LOC728743: variants seen among roughly 807,000 people sequenced by gnomAD.
chr7:150,409,092 C>A, the LOC728743 span, among the ~76,000 whole-genome samples: 1 of 132,958 alleles, frequency 7.5e-6, no homozygotes, highest in South Asian at 2.4e-4. Flanking sequence ...GTCATGGGGA[C>A]AAATAAAATT....
the LOC728743 span, among the ~76,000 whole-genome samples, chr7:150,407,060 A>T: frequency 1.3e-5 from 2 of 151,946 alleles, no homozygotes; most frequent in African/African-American, 2.4e-5. Flanking sequence ...TGTCCTTGAG[A>T]TCTGGTTGGA....
chr7:150,411,831 G>C, the LOC728743 span: 2 of 152,650 alleles, frequency 1.3e-5, no homozygotes, highest in Admixed American at 1.3e-4. Flanking sequence ...GCCCATCACT[G>C]TGCTGTGCTT....
At chr7:150,409,610 CT>C in the LOC728743 span, among the ~76,000 whole-genome samples, 2 of 152,166 alleles carry the variant, frequency 1.3e-5, no homozygotes, top group Admixed American at 6.5e-5. Flanking sequence ...TTTAGCTTCA[CT>C]GCTTAAAAAG....
At chr7:150,400,722 G>C in the LOC728743 span, 2 of 152,252 alleles carry the variant, frequency 1.3e-5, no homozygotes, top group Non-Finnish European at 2.9e-5. Context: ...CTTCTGCAAG[G>C]ATGGGGTGGT....
the LOC728743 span, chr7:150,400,805 GCATTGT>G: frequency 1.3e-5 from 2 of 152,230 alleles, no homozygotes; most frequent in African/African-American, 4.8e-5. Flanking sequence ...TTAGGAAGAG[GCATTGT>G]CATTAAGTCC....
the LOC728743 span, among the ~76,000 whole-genome samples, chr7:150,409,045 C>T: frequency 6.6e-6 from 1 of 151,500 alleles, no homozygotes; most frequent in Non-Finnish European, 1.5e-5. Flanking sequence ...ACTGGTTTCT[C>T]TTCGTCACCC....
chr7:150,406,662 G>A, the LOC728743 span, among the ~76,000 whole-genome samples: 1 of 152,154 alleles, frequency 6.6e-6, no homozygotes, highest in Non-Finnish European at 1.5e-5. Flanking sequence ...TGAGGACAAT[G>A]GGAAACAATT....
the LOC728743 span, among the ~76,000 whole-genome samples, chr7:150,401,526 A>C: frequency 6.6e-6 from 1 of 152,194 alleles, no homozygotes; most frequent in Admixed American, 6.5e-5. Context: ...CAGCAGGAGG[A>C]GTATTGGGGC....
At chr7:150,405,468 G>A in the LOC728743 span, 1 of 149,586 alleles carries the variant, frequency 6.7e-6, no homozygotes, top group African/African-American at 2.4e-5. Flanking sequence ...GGAGCGCCGG[G>A]ACTTAATTAC....
At chr7:150,408,508 C>T in the LOC728743 span, 1 of 277,334 alleles carries the variant, frequency 3.6e-6, no homozygotes, top group Admixed American at 5.3e-5. Flanking sequence ...GCGGGGCTGG[C>T]CAGAGCCCCT....
the LOC728743 span, chr7:150,408,527 T>G: frequency 4.0e-6 from 1 of 250,306 alleles, no homozygotes; most frequent in East Asian, 7.6e-5. Flanking sequence ...CTCTCAGGGC[T>G]GGGAGTGGTG....
At chr7:150,408,273 C>A in the LOC728743 span, 1 of 377,324 alleles carries the variant, frequency 2.7e-6, no homozygotes. Flanking sequence ...GCACGTGCGT[C>A]CCCGACCCCT....
chr7:150,403,577 T>G, the LOC728743 span, among the ~76,000 whole-genome samples: 1 of 152,218 alleles, frequency 6.6e-6, no homozygotes, highest in Non-Finnish European at 1.5e-5. The surrounding 1 kb of genome is among the most constrained non-coding windows in gnomAD (Gnocchi z 5.1). Context: ...AGTGTTGATG[T>G]GCTCCGAGTG....
chr7:150,403,697 C>T, the LOC728743 span, among the ~76,000 whole-genome samples: 2 of 152,154 alleles, frequency 1.3e-5, no homozygotes, highest in Non-Finnish European at 2.9e-5. This position sits in a 1 kb window ranked among gnomAD's most constrained non-coding sequence, Gnocchi z 5.1. Context: ...ATTCCCTTCC[C>T]GTTGTCTCTG....
the LOC728743 span, among the ~76,000 whole-genome samples, chr7:150,404,247 G>GT: frequency 8.8e-4 from 134 of 152,292 alleles, no homozygotes; most frequent in African/African-American, 3.2e-3. Context: ...TCAGGCCTCT[G>GT]TTTTTTTGTC....
chr7:150,409,250 A>G, the LOC728743 span, among the ~76,000 whole-genome samples: 1 of 151,846 alleles, frequency 6.6e-6, no homozygotes, highest in Non-Finnish European at 1.5e-5. Flanking sequence ...ATTTTTAATG[A>G]GATGAGTGCT....
chr7:150,403,441 G>A, the LOC728743 span, among the ~76,000 whole-genome samples: 2 of 152,182 alleles, frequency 1.3e-5, no homozygotes, highest in Non-Finnish European at 1.5e-5. This position sits in a 1 kb window ranked among gnomAD's most constrained non-coding sequence, Gnocchi z 5.1. Context: ...ACATCCTCAG[G>A]CATATTATTG....
chr7:150,403,307 G>A, the LOC728743 span, among the ~76,000 whole-genome samples: 4 of 152,146 alleles, frequency 2.6e-5, no homozygotes, highest in South Asian at 2.1e-4. The surrounding 1 kb of genome is among the most constrained non-coding windows in gnomAD (Gnocchi z 5.1). Context: ...TGGCTTCCCC[G>A]CTGAGACAGG....
chr7:150,407,867 C>T, the LOC728743 span: 1 of 426,614 alleles, frequency 2.3e-6, no homozygotes, highest in Non-Finnish European at 4.2e-6. Flanking sequence ...CCTCGAGGTG[C>T]ACCAGCGCAC....
Sources: gnomAD v4.1 joint callset for allele counts (sites outside exome capture counted in the v4.1 genomes callset) on GRCh38, gnomAD v4.1.1 for gene constraint, Gnocchi (gnomAD v3.1) non-coding constraint, MANE v1.5 for transcripts.